LOC128462377: variants seen among roughly 807,000 people sequenced by gnomAD.
the LOC128462377 span, among the ~76,000 whole-genome samples, chr16:89,414,374 C>T: frequency 6.6e-6 from 1 of 152,188 alleles, no homozygotes; most frequent in Non-Finnish European, 1.5e-5. Flanking sequence ...TCCGCTGTCA[C>T]TCACGGCCAC....
chr16:89,412,978 TGACA>T, the LOC128462377 span, among the ~76,000 whole-genome samples: 1 of 152,048 alleles, frequency 6.6e-6, no homozygotes, highest in Non-Finnish European at 1.5e-5. Flanking sequence ...GGAAAACAGC[TGACA>T]GCCAGAGCTC....
chr16:89,324,375 C>T, the LOC128462377 span: 5 of 772,136 alleles, frequency 6.5e-6, no homozygotes, highest in South Asian at 4.2e-5. Flanking sequence ...GAGGGCGGCA[C>T]GTGGGCGCAA....
chr16:89,352,688 C>T, the LOC128462377 span, among the ~76,000 whole-genome samples: 2 of 152,226 alleles, frequency 1.3e-5, no homozygotes, highest in African/African-American at 4.8e-5. Flanking sequence ...CCCTTCTCCA[C>T]CCAATTCACC....
At chr16:89,328,035 T>C in the LOC128462377 span, among the ~76,000 whole-genome samples, 1 of 152,132 alleles carries the variant, frequency 6.6e-6, no homozygotes, top group East Asian at 1.9e-4. Flanking sequence ...CAACAAACAT[T>C]AATTAGAAAA....
chr16:89,336,250 C>G, the LOC128462377 span, among the ~76,000 whole-genome samples: 2 of 152,226 alleles, frequency 1.3e-5, no homozygotes, highest in African/African-American at 2.4e-5. Context: ...ATCAACAGAG[C>G]TGGACCTGGT....
the LOC128462377 span, among the ~76,000 whole-genome samples, chr16:89,341,265 T>G: frequency 6.6e-6 from 1 of 152,236 alleles, no homozygotes. Context: ...AACAATGCTG[T>G]GGGTCCATTT....
the LOC128462377 span, among the ~76,000 whole-genome samples, chr16:89,387,936 C>A: frequency 6.6e-6 from 1 of 150,920 alleles, no homozygotes. Context: ...CTTCTTGAAC[C>A]CAGGAGGCAG....
chr16:89,352,528 G>C, the LOC128462377 span, among the ~76,000 whole-genome samples: 2 of 152,192 alleles, frequency 1.3e-5, no homozygotes, highest in Non-Finnish European at 2.9e-5. Flanking sequence ...TCAACACAGT[G>C]AGCGAGCCCT....
chr16:89,343,637 C>G, the LOC128462377 span: 1 of 152,256 alleles, frequency 6.6e-6, no homozygotes, highest in Non-Finnish European at 1.5e-5. Flanking sequence ...CACAAGGCAG[C>G]AACTGGCCGG....
At chr16:89,415,409 C>T in the LOC128462377 span, among the ~76,000 whole-genome samples, 14 of 150,118 alleles carry the variant, frequency 9.3e-5, no homozygotes, top group Admixed American at 4.6e-4. Flanking sequence ...GGACTACAGG[C>T]GCCTGCCACC....
chr16:89,341,769 A>G, the LOC128462377 span, among the ~76,000 whole-genome samples: 1 of 152,200 alleles, frequency 6.6e-6, no homozygotes, highest in Admixed American at 6.5e-5. Flanking sequence ...AAACGTGCAC[A>G]AACAAAAAGT....
At chr16:89,410,772 T>C in the LOC128462377 span, among the ~76,000 whole-genome samples, 1 of 152,266 alleles carries the variant, frequency 6.6e-6, no homozygotes, top group Non-Finnish European at 1.5e-5. Flanking sequence ...TTTCCCTTAT[T>C]TTCCCATGCC....
chr16:89,409,552 G>T, the LOC128462377 span, among the ~76,000 whole-genome samples: 1 of 152,290 alleles, frequency 6.6e-6, no homozygotes, highest in Non-Finnish European at 1.5e-5. Context: ...TGCGACTCAC[G>T]CCTGTAATCA....
the LOC128462377 span, among the ~76,000 whole-genome samples, chr16:89,337,562 G>A: frequency 2.8e-5 from 4 of 141,730 alleles, no homozygotes; most frequent in Admixed American, 1.5e-4. Context: ...TCAACCTCCC[G>A]AGTAGCTGGG....
chr16:89,368,949 G>A, the LOC128462377 span, among the ~76,000 whole-genome samples: 2 of 152,172 alleles, frequency 1.3e-5, no homozygotes, highest in African/African-American at 4.8e-5. Flanking sequence ...GGGACTCTAA[G>A]AGAAGGTCTT....
chr16:89,317,094 C>G, the LOC128462377 span: 1 of 1,472,554 alleles, frequency 6.8e-7, no homozygotes, highest in East Asian at 2.4e-5. Flanking sequence ...AAAGAGAAGA[C>G]ACACAATTCA....
the LOC128462377 span, among the ~76,000 whole-genome samples, chr16:89,342,621 T>C: frequency 6.6e-6 from 1 of 152,228 alleles, no homozygotes; most frequent in East Asian, 1.9e-4. Context: ...TATGGAAAAC[T>C]GGGTGAATAA....
the LOC128462377 span, among the ~76,000 whole-genome samples, chr16:89,369,328 G>C: frequency 1.1e-4 from 16 of 152,188 alleles, no homozygotes; most frequent in Non-Finnish European, 2.1e-4. Flanking sequence ...CGCTGCAAAG[G>C]GCCAAACAGA....
At chr16:89,357,006 G>C in the LOC128462377 span, among the ~76,000 whole-genome samples, 1 of 152,194 alleles carries the variant, frequency 6.6e-6, no homozygotes, top group Non-Finnish European at 1.5e-5. Context: ...AGCAGGGCAT[G>C]TCCCAATGCT....
Sources: gnomAD v4.1 joint callset for allele counts (sites outside exome capture counted in the v4.1 genomes callset) on GRCh38, gnomAD v4.1.1 for gene constraint, MANE v1.5 for transcripts.